Variants in DNAJB1 observed in about 807,000 individuals in gnomAD.
DNAJB1 encodes dnaJ homolog subfamily B member 1.
DNAJB1 carries 14 observed loss-of-function variants against 24.0 expected under a neutral mutation model. That is an observed-to-expected ratio of 0.58 (90% CI 0.39 to 0.91). The LOEUF is 0.91. Among genes scored for constraint, DNAJB1 ranks in the 40% least tolerant of loss-of-function variants. DNAJB1 has a pLI of 0.00. For missense variants in DNAJB1, 517 were observed against 458.1 expected, an observed-to-expected ratio of 1.13 and a Z score of -1.17; for synonymous variants, 262 against 174.4, an observed-to-expected ratio of 1.50 and a Z score of -3.96.
At chr19:14,535,339 C>T (rs1320351441) in intron 1 of DNAJB1, among the ~76,000 whole-genome samples, 4 of 150,036 alleles carry the variant, frequency 2.7e-5, no homozygotes, top group Non-Finnish European at 5.9e-5. Flanking sequence ...AACCCCGTCT[C>T]TACTAAAAAA....
chr19:14,552,023 G>A (rs2146604456), upstream of DNAJB1, among the ~76,000 whole-genome samples: 1 of 142,474 alleles, frequency 7.0e-6, no homozygotes, highest in East Asian at 2.1e-4. Context: ...CGCCCAGGCT[G>A]GAGTGCAGTC....
At chr19:14,531,600 T>G (rs977109575), upstream of DNAJB1, 3 of 152,090 alleles carry the variant, frequency 2.0e-5, no homozygotes, top group African/African-American at 4.8e-5. Flanking sequence ...TTTTGTATTT[T>G]TAGTAGAGAC....
At chr19:14,520,860 A>C (rs2146528311), upstream of DNAJB1, among the ~76,000 whole-genome samples, 1 of 152,072 alleles carries the variant, frequency 6.6e-6, no homozygotes, top group Admixed American at 6.6e-5. Context: ...GGGTGCAATG[A>C]TGTGAGCCTG....
chr19:14,547,312 T>C, intron 1 of DNAJB1, among the ~76,000 whole-genome samples: 1 of 152,160 alleles, frequency 6.6e-6, no homozygotes, highest in South Asian at 2.1e-4. Flanking sequence ...GGTAAAAATA[T>C]TAGTTACAGG....
At chr19:14,525,052 G>A (rs1471284872) in intron 2 of DNAJB1, among the ~76,000 whole-genome samples, 1 of 151,900 alleles carries the variant, frequency 6.6e-6, no homozygotes, top group Non-Finnish European at 1.5e-5. Flanking sequence ...TGACCAACAT[G>A]GTGAAATTCC....
At chr19:14,519,277 G>T (rs1055475970), upstream of DNAJB1, among the ~76,000 whole-genome samples, 4 of 152,232 alleles carry the variant, frequency 2.6e-5, no homozygotes, top group Admixed American at 1.3e-4. Context: ...ATTGAGGCCT[G>T]AGAATAGCTT....
intron 1 of DNAJB1, among the ~76,000 whole-genome samples, chr19:14,557,224 C>T (rs1417415399): frequency 6.6e-6 from 1 of 151,652 alleles, no homozygotes. Context: ...ACTGCAACCT[C>T]CACCGTCCTG....
upstream of DNAJB1, chr19:14,529,986 T>C (rs376502401): frequency 3.9e-3 from 2,151 of 552,510 alleles, 38 homozygotes; most frequent in South Asian, 0.028. Context: ...TCCTTGCAGC[T>C]CCCCCAGCGG....
At chr19:14,516,420 AAGC>A (rs752365235) in intron 2 of DNAJB1, 43 bp downstream of exon 2, 6 of 1,573,728 alleles carry the variant, frequency 3.8e-6, no homozygotes, top group Non-Finnish European at 5.2e-6. Context: ...CTGCTTCAAA[AAGC>A]AGCCATCGCC....
At chr19:14,531,218 T>G (rs577714736), upstream of DNAJB1, 5 of 151,240 alleles carry the variant, frequency 3.3e-5, no homozygotes, top group African/African-American at 1.2e-4. Flanking sequence ...GTATTTTTAG[T>G]AGAGATGGGG....
chr19:14,526,105 C>T (rs944354541), intron 2 of DNAJB1, among the ~76,000 whole-genome samples: 5 of 152,216 alleles, frequency 3.3e-5, no homozygotes, highest in South Asian at 2.1e-4. Flanking sequence ...TTCAAATGGT[C>T]TCGGGTTCCC....
upstream of DNAJB1, among the ~76,000 whole-genome samples, chr19:14,523,342 TCTCA>T (rs2072383606): frequency 6.6e-6 from 1 of 151,896 alleles, no homozygotes; most frequent in Non-Finnish European, 1.5e-5. Context: ...TGAGATGGAG[TCTCA>T]CTCTGTCACC....
upstream of DNAJB1, among the ~76,000 whole-genome samples, chr19:14,522,252 TAAA>T (rs1240604962): frequency 6.6e-6 from 1 of 152,048 alleles, no homozygotes; most frequent in Non-Finnish European, 1.5e-5. Flanking sequence ...TGCTTGACTT[TAAA>T]AACAGGACAT....
chr19:14,543,965 T>A (rs1349113789), intron 1 of DNAJB1, among the ~76,000 whole-genome samples: 23 of 151,200 alleles, frequency 1.5e-4, no homozygotes, highest in Non-Finnish European at 2.8e-4. Flanking sequence ...CTCGAACTCC[T>A]GACCTCAAAT....
chr19:14,529,604 T>G (rs1568388196), upstream of DNAJB1: 3 of 1,592,466 alleles, frequency 1.9e-6, no homozygotes, highest in Non-Finnish European at 1.7e-6. Context: ...GTTTAGTCTA[T>G]CGCTGCGGTT....
intron 2 of DNAJB1, among the ~76,000 whole-genome samples, chr19:14,527,029 T>A (rs1431534163): frequency 6.6e-6 from 1 of 151,772 alleles, no homozygotes; most frequent in East Asian, 1.9e-4. Context: ...CATAATGAGA[T>A]CCCATCTCTA....
rs916359031 is a variant in DNAJB1, at chr19:14,536,962, AGGGGCCGAGGAGGGGGC to A, written c.-213-9169_-213-9153del. Reference sequence around the variant, plus strand: ...TGGACACGGGGCAGATGTGGGGAGGAGGGGCCGAGGAGGGGGCGGGGCCGAGGAGGAGGAGGTGGGGC... The same window carrying A: ...TGGACACGGGGCAGATGTGGGGAGGAGGGGCCGAGGAGGAGGAGGTGGGGC... On this transcript the variant is annotated intron_variant, in intron 1 of 3. Transcript: ENST00000676982. Among the ~76,000 whole-genome samples the A allele has an allele frequency of 7.2e-3, 132 of 18,236 alleles. 1 individual carries two copies. Among genetic ancestry groups the A allele is most frequent in the African/African-American group, 0.026 (116 of 4,432 alleles). 12.0% of individuals were successfully genotyped at this position (18,236 alleles called of 152,430 possible). A position where few individuals can be genotyped will look rare whatever the true frequency, so the allele number is the denominator to read the frequency against.
upstream of DNAJB1, chr19:14,532,124 T>TCTC (rs1241342537): frequency 6.6e-6 from 1 of 152,036 alleles, no homozygotes; most frequent in African/African-American, 2.4e-5. Flanking sequence ...AACAGTCAGA[T>TCTC]AAAGTAGGCC....
At chr19:14,528,396 C>T (rs565994615) in intron 1 of DNAJB1, among the ~76,000 whole-genome samples, 6 of 151,908 alleles carry the variant, frequency 3.9e-5, no homozygotes, top group Non-Finnish European at 7.4e-5. Context: ...TGTACCACCA[C>T]GCCCGGCTAA....
Sources: gnomAD v4.1 joint callset for allele counts (sites outside exome capture counted in the v4.1 genomes callset) on GRCh38, gnomAD v4.1.1 for gene constraint, MANE v1.5 for transcripts, NCBI Gene and HGNC (gene_info 2026-07-23, HGNC 2026-07-21) for gene names.